The following GRAMD1B variants were observed in gnomAD, a reference collection of about 807,000 sequenced individuals.
GRAMD1B encodes protein Aster-B.
In GRAMD1B, 37 loss-of-function variants were observed where a neutral mutation model predicts 99.7. That is an observed-to-expected ratio of 0.37 (90% CI 0.29 to 0.49). The LOEUF (loss-of-function observed/expected upper bound fraction) is 0.49. Among genes scored for constraint, GRAMD1B ranks in the 20% least tolerant of loss-of-function variants. The pLI is 0.98. For synonymous variants in GRAMD1B, 427 were observed against 387.6 expected (o/e 1.10, Z -1.19); for missense variants, 888 against 1,009.2 (o/e 0.88, Z 1.63).
intron 1 of GRAMD1B, among the ~76,000 whole-genome samples, chr11:123,418,731 G>A (rs71490015): frequency 1.3e-5 from 2 of 152,204 alleles, no homozygotes; most frequent in Admixed American, 6.5e-5. Flanking sequence ...CTCTCCAGAA[G>A]GGCATTGTGG....
intron 17 of GRAMD1B, among the ~76,000 whole-genome samples, chr11:123,616,486 C>G (rs1222624624): frequency 6.6e-6 from 1 of 152,214 alleles, no homozygotes; most frequent in African/African-American, 2.4e-5. Flanking sequence ...TGTTTAAGCT[C>G]TTTCTGCATT....
At position 123,594,302 on chromosome 11, in the gene GRAMD1B, C is replaced by T. The variant is rs774530225; in HGVS notation, c.769+136C>T. On this transcript the variant is annotated intron_variant, in intron 5 of 19. Coordinates refer to ENST00000635736, the MANE Select transcript of GRAMD1B (RefSeq NM_001387025.1). ...ACAGGGAGAGAGGCTGTCCAGACCC[C>T]TGGCCCCAGCTGTCAGGGCTCGAGG... 423 of 672,148 alleles carry T rather than the reference C, an allele frequency of 6.3e-4. 1 individual carries two copies. The highest frequency in any genetic ancestry group is 9.7e-4 in the Non-Finnish European group (359 of 370,622). 41.6% of individuals were successfully genotyped at this position (672,148 alleles called of 1,614,324 possible). A position where few individuals can be genotyped will look rare whatever the true frequency, so the allele number is the denominator to read the frequency against.
At position 123,594,399 on chromosome 11, in the gene GRAMD1B, T is replaced by G. The variant is rs117594276; in HGVS notation, c.769+233T>G. On this transcript the variant is annotated intron_variant, in intron 5 of 19. Coordinates refer to ENST00000635736, the MANE Select transcript of GRAMD1B (RefSeq NM_001387025.1). ...GTCACTGGCATTTTTATCTCTGCAGTTGGCCCAGTGGCAGAAGGGGTTAGC... is the reference window on the plus strand; with the variant it reads ...GTCACTGGCATTTTTATCTCTGCAGGTGGCCCAGTGGCAGAAGGGGTTAGC... Among the ~76,000 whole-genome samples, 629 of 152,322 alleles carry G rather than the reference T, an allele frequency of 4.1e-3. 4 individuals carry two copies. The highest frequency in any genetic ancestry group is 0.014 in the South Asian group (68 of 4,826).
At chr11:123,514,584 G>A (rs1941490531) in intron 2 of GRAMD1B, among the ~76,000 whole-genome samples, 1 of 152,198 alleles carries the variant, frequency 6.6e-6, no homozygotes, top group Admixed American at 6.5e-5. Flanking sequence ...CCCAGGGCAC[G>A]ACAAGTAGCT....
intron 1 of GRAMD1B, among the ~76,000 whole-genome samples, chr11:123,472,395 G>A (rs1287319328): frequency 6.6e-6 from 1 of 152,148 alleles, no homozygotes; most frequent in Non-Finnish European, 1.5e-5. Context: ...ATAGTTCACT[G>A]TAACCTTGAT....
At position 123,616,592 on chromosome 11, in the gene GRAMD1B, C is replaced by T. The variant is rs115406903; in HGVS notation, c.2318+1757C>T. On this transcript the variant is annotated intron_variant, in intron 17 of 19. Transcript: ENST00000635736. ...TTTGTAAGTTTAGAATGATCAGACT[C>T]TCTAATTCAATGCTGCAGGATCCAG... is the stretch of plus-strand genomic sequence containing the variant. Among the ~76,000 whole-genome samples the T allele has an allele frequency of 2.1e-3, 320 of 152,310 alleles. 1 individual carries two copies. Among genetic ancestry groups the T allele is most frequent in the Admixed American group, 6.9e-3 (105 of 15,298 alleles).
intron 2 of GRAMD1B, among the ~76,000 whole-genome samples, chr11:123,569,610 A>G (rs1947829163): frequency 6.6e-6 from 1 of 152,208 alleles, no homozygotes; most frequent in African/African-American, 2.4e-5. Context: ...ATGTTATACA[A>G]ATACACCTGT....
Position 123,622,840 on chromosome 11 carries a change from G to C in GRAMD1B, c.*245G>C, listed in dbSNP as rs976196178. ...AGGGCAGGAACCGCCTCTCAGCACCGACCTCCCCTGATCTCCCTCCTCCCA... is the reference window on the plus strand; with the variant it reads ...AGGGCAGGAACCGCCTCTCAGCACCCACCTCCCCTGATCTCCCTCCTCCCA... On this transcript the variant is annotated 3_prime_UTR_variant, in exon 20 of 20. Transcript: ENST00000635736. 1 of 161,480 alleles carries C rather than the reference G, an allele frequency of 6.2e-6. No individual in the cohort carries two copies. Among genetic ancestry groups the C allele is most frequent in the East Asian group, 1.7e-4 (1 of 5,820 alleles). 10.0% of individuals were successfully genotyped at this position (161,480 alleles called of 1,614,324 possible).
intron 11 of GRAMD1B, 122 bp downstream of exon 11, chr11:123,606,920 C>T: frequency 2.9e-6 from 2 of 699,904 alleles, no homozygotes; most frequent in Non-Finnish European, 2.4e-6. Context: ...AGCAGAGCTT[C>T]CTTAACAAAA....
At chr11:123,593,536 G>T (rs1375318358) in intron 4 of GRAMD1B, among the ~76,000 whole-genome samples, 2 of 152,118 alleles carry the variant, frequency 1.3e-5, no homozygotes, top group Non-Finnish European at 2.9e-5. Context: ...TGCCCGTTGT[G>T]TTTTTTTAAT....
intron 2 of GRAMD1B, among the ~76,000 whole-genome samples, chr11:123,551,906 C>G (rs557861302): frequency 6.6e-6 from 1 of 152,330 alleles, no homozygotes; most frequent in South Asian, 2.1e-4. Flanking sequence ...CCCTATGCTT[C>G]TCTGCAGCCC....
At chr11:123,383,288 CA>C (rs1232496092) in intron 1 of GRAMD1B, among the ~76,000 whole-genome samples, 4 of 151,672 alleles carry the variant, frequency 2.6e-5, no homozygotes, top group Admixed American at 6.6e-5. Context: ...ACCTAGTTTC[CA>C]ATGTGTGGCA....
At chr11:123,377,121 C>T (rs1005683221) in intron 1 of GRAMD1B, among the ~76,000 whole-genome samples, 2 of 152,190 alleles carry the variant, frequency 1.3e-5, no homozygotes, top group African/African-American at 2.4e-5. Flanking sequence ...TTAAACATTC[C>T]TCTGCTCAGC....
chr11:123,591,558 GT>G lies in GRAMD1B; in HGVS notation c.685-2521del. 5 of 398,866 alleles carry G rather than the reference GT, an allele frequency of 1.3e-5. No individual in the cohort carries two copies. Among genetic ancestry groups the G allele is most frequent in the Non-Finnish European group, 2.2e-5 (5 of 226,074 alleles). 24.7% of individuals were successfully genotyped at this position (398,866 alleles called of 1,614,324 possible). A position where few individuals can be genotyped will look rare whatever the true frequency, so the allele number is the denominator to read the frequency against. On this transcript the variant is annotated intron_variant, in intron 4 of 19. Coordinates refer to ENST00000635736, the MANE Select transcript of GRAMD1B (RefSeq NM_001387025.1). This position sits in a 1 kb window ranked among gnomAD's most constrained non-coding sequence, Gnocchi z 4.7. Reference sequence around the variant, plus strand: ...ATCCCAGCCGTGAGTGTGTGACTCAGTTTCTCTGAGTCTCTGTGGTAGTTCT... The same window carrying G: ...ATCCCAGCCGTGAGTGTGTGACTCAGTTCTCTGAGTCTCTGTGGTAGTTCT...
At chr11:123,517,004 C>T (rs1244632469) in intron 2 of GRAMD1B, among the ~76,000 whole-genome samples, 17 of 152,176 alleles carry the variant, frequency 1.1e-4, no homozygotes, top group African/African-American at 3.9e-4. Context: ...ACTGCACCCT[C>T]CACCTTCTGG....
intron 2 of GRAMD1B, 106 bp from the exon 3 acceptor site, chr11:123,577,261 C>G (rs548508959): frequency 2.2e-5 from 21 of 938,198 alleles, no homozygotes; most frequent in Non-Finnish European, 2.8e-5. Flanking sequence ...CACCTGGCTC[C>G]CTGAGCTGGC....
chr11:123,402,326 G>A (rs992401005), intron 1 of GRAMD1B, among the ~76,000 whole-genome samples: 1 of 152,108 alleles, frequency 6.6e-6, no homozygotes, highest in Admixed American at 6.5e-5. Flanking sequence ...CAAGGACCAT[G>A]TTCTTGCATT....
At chr11:123,484,654 C>T (rs928360747) in intron 2 of GRAMD1B, among the ~76,000 whole-genome samples, 1 of 152,004 alleles carries the variant, frequency 6.6e-6, no homozygotes, top group Non-Finnish European at 1.5e-5. Context: ...TCTGGTGGTC[C>T]CTGTGACCGG....
chr11:123,536,113 C>T (rs1349373590), intron 2 of GRAMD1B, among the ~76,000 whole-genome samples: 2 of 152,150 alleles, frequency 1.3e-5, no homozygotes, highest in Non-Finnish European at 2.9e-5. Context: ...CCTTGATTCT[C>T]TCATCTGTAA....
Sources: allele counts gnomAD v4.1 joint callset (sites outside exome capture counted in the v4.1 genomes callset), GRCh38; gene constraint gnomAD v4.1.1; non-coding constraint Gnocchi (gnomAD v3.1); transcripts MANE v1.5; gene names NCBI Gene and HGNC (gene_info 2026-07-23, HGNC 2026-07-21).